Variants in PINX1 observed in about 807,000 individuals in gnomAD.
PINX1 encodes the protein PIN2/TERF1-interacting telomerase inhibitor 1.
Under a neutral mutation model 25.4 loss-of-function variants are expected in PINX1, and 34 were observed. The observed-to-expected ratio is 1.34, with a 90% CI of 1.02 to 1.78. The LOEUF (loss-of-function observed/expected upper bound fraction) is 1.78. Ranked by LOEUF, PINX1 falls within the 40% of genes most tolerant of loss-of-function variation. PINX1 has a pLI of 0.00. For missense variants in PINX1, 592 were observed against 404.9 expected (o/e 1.46, Z -3.97); for synonymous variants, 197 against 147.7 (o/e 1.33, Z -2.42).
intron 6 of PINX1, among the ~76,000 whole-genome samples, chr8:10,777,944 G>A (rs912963029): frequency 6.6e-6 from 1 of 152,158 alleles, no homozygotes; most frequent in Non-Finnish European, 1.5e-5. Context: ...CAATCTCCTG[G>A]GGCCAGGACA....
chr8:10,787,903 T>C (rs916422741), intron 6 of PINX1: 2 of 430,382 alleles, frequency 4.6e-6, no homozygotes, highest in East Asian at 1.4e-4. Context: ...TAATCTATAA[T>C]ATACAGACCT....
Position 10,765,268 on chromosome 8 carries a change from G to A in PINX1, c.*133C>T, listed in dbSNP as rs1363904623. The A allele has an allele frequency of 1.3e-6, 1 of 760,070 alleles. No individual in the cohort carries two copies. The highest frequency in any genetic ancestry group is 2.0e-6 in the Non-Finnish European group (1 of 491,742). The allele number at this position is 760,070 out of a possible 1,614,324, so 47.1% of individuals were successfully genotyped here. ...GAAATGTGGCGAGAGGGCAGGACTC[G>A]GCAGCCCATGGGCATGCCACAAGAT... On this transcript the variant is annotated 3_prime_UTR_variant, in exon 7 of 7. Transcript: ENST00000314787.
At chr8:10,798,267 T>C (rs772471572) in intron 6 of PINX1, among the ~76,000 whole-genome samples, 1 of 152,072 alleles carries the variant, frequency 6.6e-6, no homozygotes, top group African/African-American at 2.4e-5. Context: ...CATACTCACA[T>C]GTGTGCTGCT....
chr8:10,839,585 G>T (rs560386575), intron 1 of PINX1, 153 bp downstream of exon 1: 3 of 745,214 alleles, frequency 4.0e-6, no homozygotes, highest in East Asian at 2.7e-5. Context: ...GCGGCGAGCA[G>T]GACAATCAGA....
intron 6 of PINX1, among the ~76,000 whole-genome samples, chr8:10,766,577 T>TG (rs1231047419): frequency 2.0e-5 from 3 of 152,196 alleles, no homozygotes; most frequent in Non-Finnish European, 4.4e-5. Context: ...CAGGCCAGCT[T>TG]GGGGGCTTCT....
At chr8:10,766,014 C>A in intron 6 of PINX1, 98 bp from the exon 7 acceptor site, 1 of 1,193,786 alleles carries the variant, frequency 8.4e-7, no homozygotes, top group East Asian at 2.3e-5. Flanking sequence ...CACCTGGCAC[C>A]CACACCCGGC....
In PINX1 at chr8:10,811,500, C is replaced by G. The variant is rs368349151; in HGVS notation, c.471+8693G>C. On this transcript the variant is annotated intron_variant, in intron 6 of 6. Transcript: ENST00000314787. ...CTACACAATAAACCATCCTGACACT[C>G]AGTGGCTTCAAACATATCAGCCATT... is the stretch of plus-strand genomic sequence containing the variant. Among the ~76,000 whole-genome samples, 185 of 152,346 alleles carry G rather than the reference C, an allele frequency of 1.2e-3. 3 individuals carry two copies. The South Asian group carries it at 0.034, about 28-fold the overall frequency.
chr8:10,812,350 C>T (rs1403819217), intron 6 of PINX1, among the ~76,000 whole-genome samples: 1 of 152,166 alleles, frequency 6.6e-6, no homozygotes, highest in African/African-American at 2.4e-5. Flanking sequence ...CTTCCAGCAC[C>T]GTTTCAAATG....
At chr8:10,799,238 T>C (rs1173095124) in intron 6 of PINX1, among the ~76,000 whole-genome samples, 3 of 152,166 alleles carry the variant, frequency 2.0e-5, no homozygotes, top group Admixed American at 6.5e-5. Flanking sequence ...CATAAACTTA[T>C]GTTTTATGCT....
At chr8:10,822,084 G>A (rs1463300057) in intron 5 of PINX1, 2 of 152,178 alleles carry the variant, frequency 1.3e-5, no homozygotes, top group African/African-American at 4.8e-5. Context: ...TTAAGTAAAT[G>A]TAGAAACCAG....
chr8:10,787,167 T>C (rs1801776652), intron 6 of PINX1, among the ~76,000 whole-genome samples: 1 of 151,954 alleles, frequency 6.6e-6, no homozygotes, highest in African/African-American at 2.4e-5. Flanking sequence ...ATTATATATA[T>C]AAATGTATTT....
intron 6 of PINX1, among the ~76,000 whole-genome samples, chr8:10,791,147 C>G (rs1045143226): frequency 1.3e-5 from 2 of 152,094 alleles, no homozygotes; most frequent in South Asian, 4.1e-4. Flanking sequence ...TTCCTGACCT[C>G]GTGATCTGCC....
At chr8:10,820,705 C>G (rs1012950861) in intron 5 of PINX1, among the ~76,000 whole-genome samples, 4 of 152,154 alleles carry the variant, frequency 2.6e-5, no homozygotes, top group Admixed American at 2.6e-4. Flanking sequence ...AGATACACAG[C>G]TCCAGACCCC....
chr8:10,778,865 TG>T (rs1801495403), intron 6 of PINX1, among the ~76,000 whole-genome samples: 1 of 152,284 alleles, frequency 6.6e-6, no homozygotes, highest in Non-Finnish European at 1.5e-5. Flanking sequence ...TCCAAGAGGG[TG>T]GGCTTTTACC....
At chr8:10,780,616 C>CAA (rs568002873) in intron 6 of PINX1, among the ~76,000 whole-genome samples, 20 of 136,360 alleles carry the variant, frequency 1.5e-4, no homozygotes, top group Admixed American at 7.3e-4. Flanking sequence ...ATGGTACCAT[C>CAA]AAAAAAAAAA....
intron 6 of PINX1, chr8:10,787,550 T>C (rs1801791157): frequency 4.7e-6 from 1 of 213,748 alleles, no homozygotes; most frequent in Non-Finnish European, 9.5e-6. Flanking sequence ...TTGACATTAG[T>C]ATTTTGAAAG....
At chr8:10,824,691 G>A (rs999897208) in intron 5 of PINX1, among the ~76,000 whole-genome samples, 2 of 152,202 alleles carry the variant, frequency 1.3e-5, no homozygotes, top group African/African-American at 4.8e-5. Context: ...AATCATGCAT[G>A]CAGTCTGGCA....
intron 6 of PINX1, among the ~76,000 whole-genome samples, chr8:10,807,409 G>C (rs568530625): frequency 5.3e-4 from 70 of 131,392 alleles, no homozygotes; most frequent in African/African-American, 2.0e-3. Context: ...CAAGATGTCA[G>C]TGCTTCAACT....
chr8:10,765,307 C>G lies in PINX1; in HGVS notation c.*94G>C, dbSNP rs1800993699. 1 of 1,241,744 alleles carries G rather than the reference C, an allele frequency of 8.1e-7. No individual in the cohort carries two copies. Among genetic ancestry groups the G allele is most frequent in the African/African-American group, 1.5e-5 (1 of 66,214 alleles). The allele number at this position is 1,241,744 out of a possible 1,614,324, so 76.9% of individuals were successfully genotyped here. On this transcript the variant is annotated 3_prime_UTR_variant, in exon 7 of 7. Transcript: ENST00000314787. Reference sequence around the variant, plus strand: ...ATGCCACAAGATGCGCCCAGGCGCTCTGGGGTGAACTCTGCTGTGACTTCA... The same window carrying G: ...ATGCCACAAGATGCGCCCAGGCGCTGTGGGGTGAACTCTGCTGTGACTTCA...
Sources: gnomAD v4.1 joint callset for allele counts (sites outside exome capture counted in the v4.1 genomes callset) on GRCh38, gnomAD v4.1.1 for gene constraint, MANE v1.5 for transcripts, NCBI Gene and HGNC (gene_info 2026-07-23, HGNC 2026-07-21) for gene names.